TMPRSS12: variants seen among roughly 807,000 people sequenced by gnomAD.
TMPRSS12 encodes the protein transmembrane protease serine 12.
In TMPRSS12, 25 loss-of-function variants were observed where a neutral mutation model predicts 26.0. The ratio of observed to expected loss-of-function variants is 0.96; its 90% confidence interval spans 0.70 to 1.34. The LOEUF is 1.34. TMPRSS12 is among the 40% of genes most tolerant of loss of function. The pLI, the probability that TMPRSS12 is intolerant of heterozygous loss-of-function variation, is 0.00. For missense variants in TMPRSS12, 441 were observed against 440.1 expected, an observed-to-expected ratio of 1.00 and a Z score of -0.02; for synonymous variants, 150 against 161.7, an observed-to-expected ratio of 0.93 and a Z score of 0.55.
intron 3 of TMPRSS12, among the ~76,000 whole-genome samples, chr12:50,875,486 T>C (rs1369198737): frequency 6.1e-4 from 12 of 19,614 alleles, no homozygotes; most frequent in Non-Finnish European, 1.2e-3. Context: ...CAAGACTCCA[T>C]CTCAAAAAAA....
intron 2 of TMPRSS12, among the ~76,000 whole-genome samples, chr12:50,854,000 G>C (rs1459512137): frequency 6.6e-6 from 1 of 151,982 alleles, no homozygotes; most frequent in Non-Finnish European, 1.5e-5. Context: ...TTTGATAACT[G>C]AAACCTGCCA....
At chr12:50,883,123 G>A (rs967391156) in intron 3 of TMPRSS12, among the ~76,000 whole-genome samples, 1 of 152,138 alleles carries the variant, frequency 6.6e-6, no homozygotes, top group Non-Finnish European at 1.5e-5. Context: ...GAGGCCAGGA[G>A]TTCAAGATCA....
intron 3 of TMPRSS12, among the ~76,000 whole-genome samples, chr12:50,862,771 C>A (rs900604856): frequency 2.6e-5 from 4 of 152,052 alleles, no homozygotes; most frequent in Admixed American, 2.0e-4. Flanking sequence ...AAGTCATCTG[C>A]CCACCTTGGC....
intron 4 of TMPRSS12, chr12:50,885,793 T>C (rs562356240): frequency 5.2e-6 from 2 of 381,152 alleles, no homozygotes; most frequent in African/African-American, 4.2e-5. Flanking sequence ...GTAGCTGGAA[T>C]TACAGGCACA....
chr12:50,847,259 G>A lies in TMPRSS12; in HGVS notation c.383+3222G>A, dbSNP rs1178939934. Among the ~76,000 whole-genome samples, 7 of 151,842 alleles carry A rather than the reference G, an allele frequency of 4.6e-5. No homozygotes were observed. The South Asian group carries it at 8.3e-4, about 18-fold the overall frequency. ...TTTTTAGTAGAGACGGGGTTTCACCGTGTTAGCCAGGATGGTCTCCATCTC... is the reference window on the plus strand; with the variant it reads ...TTTTTAGTAGAGACGGGGTTTCACCATGTTAGCCAGGATGGTCTCCATCTC... On this transcript the variant is annotated intron_variant, in intron 2 of 4. Transcript: ENST00000398458.
At chr12:50,869,712 A>G (rs1053953816) in intron 3 of TMPRSS12, among the ~76,000 whole-genome samples, 2 of 152,188 alleles carry the variant, frequency 1.3e-5, no homozygotes, top group African/African-American at 4.8e-5. Flanking sequence ...AAAACTACAG[A>G]CCACTATTCC....
intron 3 of TMPRSS12, among the ~76,000 whole-genome samples, chr12:50,870,135 AG>A (rs1407996852): frequency 6.6e-6 from 1 of 152,150 alleles, no homozygotes; most frequent in Admixed American, 6.5e-5. Context: ...CAGATGTTGC[AG>A]TGAGCCAAGA....
rs116382073 is a variant in TMPRSS12, at chr12:50,854,550, C to T, written c.384-4235C>T. On this transcript the variant is annotated intron_variant, in intron 2 of 4. Transcript: ENST00000398458. Reference sequence around the variant, plus strand: ...GTTTGTAGACACTACGATTCTATACCTAGAAAACCCTATAGTCTCTGGCCA... The same window carrying T: ...GTTTGTAGACACTACGATTCTATACTTAGAAAACCCTATAGTCTCTGGCCA... Among the ~76,000 whole-genome samples, 262 of 152,140 alleles carry T rather than the reference C, an allele frequency of 1.7e-3. 5 individuals are homozygous for T. The highest frequency in any genetic ancestry group is 6.0e-3 in the African/African-American group (248 of 41,494).
Position 50,857,935 on chromosome 12 carries a change from T to G in TMPRSS12, c.384-850T>G, listed in dbSNP as rs991473590. Among the ~76,000 whole-genome samples the G allele has an allele frequency of 2.2e-4, 34 of 152,136 alleles. 1 individual carries two copies. The highest frequency in any genetic ancestry group is 3.9e-4 in the East Asian group (2 of 5,178). ...GCCCCGCCTCCCGGGTTCATGCCAT[T>G]CTCCTGCCTCAGCCTCCCGAGTAGC... On this transcript the variant is annotated intron_variant, in intron 2 of 4. Transcript: ENST00000398458.
intron 3 of TMPRSS12, among the ~76,000 whole-genome samples, chr12:50,876,962 C>A (rs982170283): frequency 1.3e-5 from 2 of 151,992 alleles, no homozygotes; most frequent in Non-Finnish European, 2.9e-5. Flanking sequence ...AACAGAAAAC[C>A]AAATACTGCA....
In TMPRSS12 at chr12:50,843,082, A is replaced by G. The variant is rs764471627; in HGVS notation, c.118A>G (p.Ser40Gly). ...RLGPSPEPAA[S>G]SQQAEAVRKR... is the part of the protein sequence containing the mutation. ...CGGCCCCTCGCCGGAACCGGCGGCTAGTTCCCAGCAGGCTGAGGCCGTCCG... is the reference window on the plus strand; with the variant it reads ...CGGCCCCTCGCCGGAACCGGCGGCTGGTTCCCAGCAGGCTGAGGCCGTCCG... Residue 40 changes from serine to glycine, a missense_variant, in exon 1 of 5, where the codon AGT (serine) becomes GGT (glycine). Physicochemically the swap from Ser to Gly is moderately conservative, Grantham distance 56. Coordinates refer to ENST00000398458, the MANE Select transcript of TMPRSS12 (RefSeq NM_182559.3). 1.9e-6 allele frequency: 3 copies of G among 1,585,080 alleles called. No individual in the cohort carries two copies. The African/African-American group carries it at 4.0e-5, about 21-fold the overall frequency.
At chr12:50,874,400 T>C (rs1450836291) in intron 3 of TMPRSS12, among the ~76,000 whole-genome samples, 1 of 152,118 alleles carries the variant, frequency 6.6e-6, no homozygotes, top group Non-Finnish European at 1.5e-5. Flanking sequence ...AAAATGCAAG[T>C]TTGGTTTTAC....
intron 3 of TMPRSS12, among the ~76,000 whole-genome samples, chr12:50,869,545 T>C (rs1173414077): frequency 6.6e-6 from 1 of 152,180 alleles, no homozygotes; most frequent in Non-Finnish European, 1.5e-5. Flanking sequence ...ATCAGATGGA[T>C]TCATGGCAGA....
chr12:50,863,246 T>C (rs1454138090), intron 3 of TMPRSS12, among the ~76,000 whole-genome samples: 1 of 151,994 alleles, frequency 6.6e-6, no homozygotes, highest in Non-Finnish European at 1.5e-5. Context: ...AAAGTAGACT[T>C]ACAGCAGAGA....
intron 3 of TMPRSS12, among the ~76,000 whole-genome samples, chr12:50,869,491 G>A (rs145208764): frequency 6.6e-6 from 1 of 152,134 alleles, no homozygotes; most frequent in African/African-American, 2.4e-5. Context: ...AAAGTAGCGA[G>A]ATTGAAATGG....
chr12:50,887,597 G>A lies in TMPRSS12; in HGVS notation c.*84G>A. On this transcript the variant is annotated 3_prime_UTR_variant, in exon 5 of 5. Transcript: ENST00000398458. Reference sequence around the variant, plus strand: ...ATAATGAACATCATTTATTCTTCTAGCAATTAATTGCCTACATTAGAGATT... The same window carrying A: ...ATAATGAACATCATTTATTCTTCTAACAATTAATTGCCTACATTAGAGATT... 6.8e-7 allele frequency: 1 copy of A among 1,473,426 alleles called. No individual in the cohort carries two copies. The highest frequency in any genetic ancestry group is 9.1e-7 in the Non-Finnish European group (1 of 1,101,388). The allele number at this position is 1,473,426 out of a possible 1,614,324, so 91.3% of individuals were successfully genotyped here. A position where few individuals can be genotyped will look rare whatever the true frequency, so the allele number is the denominator to read the frequency against.
intron 2 of TMPRSS12, among the ~76,000 whole-genome samples, chr12:50,851,114 C>A (rs922608371): frequency 6.6e-6 from 1 of 152,312 alleles, no homozygotes; most frequent in Non-Finnish European, 1.5e-5. Context: ...GAGAAAGAAC[C>A]AGCACAAGAA....
Position 50,843,976 on chromosome 12 carries a change from G to A in TMPRSS12, c.322G>A (p.Gly108Arg). The A allele has an allele frequency of 6.2e-7, 1 of 1,607,626 alleles. No individual in the cohort carries two copies. Among genetic ancestry groups the A allele is most frequent in the Non-Finnish European group, 8.5e-7 (1 of 1,177,084 alleles). Residue 108 changes from glycine to arginine, a missense_variant, in exon 2 of 5, where the codon GGG becomes AGG. Transcript: ENST00000398458. ...TGGCCGTGTTCTTGTTCATGTATGTGGGGGAACCCTAGTGAGAGAGAGGTG... is the reference window on the plus strand; with the variant it reads ...TGGCCGTGTTCTTGTTCATGTATGTAGGGGAACCCTAGTGAGAGAGAGGTG... ...KYGRVLVHVC[G>R]GTLVRERWVL...
In TMPRSS12 at chr12:50,847,184, G is replaced by T. The variant is rs1025922745; in HGVS notation, c.383+3147G>T. On this transcript the variant is annotated intron_variant, in intron 2 of 4. Transcript: ENST00000398458. ...GGCCATTCTCCTGCCTCAGCCTCCC[G>T]CGTAGCTGGGACTACAGGCGCCCCC... 3.4e-5 allele frequency among the ~76,000 whole-genome samples: 5 copies of T among 148,502 alleles called. No homozygotes were observed. In the South Asian group the frequency reaches 1.1e-3, roughly 32 times the overall value.
Sources: gnomAD v4.1 joint callset for allele counts (sites outside exome capture counted in the v4.1 genomes callset) on GRCh38, gnomAD v4.1.1 for gene constraint, MANE v1.5 for transcripts, NCBI Gene and HGNC (gene_info 2026-07-23, HGNC 2026-07-21) for gene names.